Variants in GALNT18 observed in about 807,000 individuals in gnomAD.
GALNT18 encodes the protein polypeptide N-acetylgalactosaminyltransferase 18, also known as GalNAc-transferase 18.
Under a neutral mutation model 69.5 loss-of-function variants are expected in GALNT18, and 44 were observed. The ratio of observed to expected loss-of-function variants is 0.63; its 90% confidence interval spans 0.50 to 0.81. The LOEUF (loss-of-function observed/expected upper bound fraction) is 0.81, where lower values mean the gene tolerates loss of function less well. GALNT18 is among the 40% of genes least tolerant of loss of function. GALNT18 has a pLI of 0.00. For synonymous variants in GALNT18, 364 were observed against 318.2 expected (o/e 1.14, Z -1.53); for missense variants, 715 against 810.0 (o/e 0.88, Z 1.42).
At chr11:11,378,760 G>C (rs989184900) in intron 4 of GALNT18, among the ~76,000 whole-genome samples, 4 of 152,112 alleles carry the variant, frequency 2.6e-5, no homozygotes, top group Non-Finnish European at 5.9e-5. Flanking sequence ...TGTCCTTAGC[G>C]GGACACTCTC....
chr11:11,395,671 G>T (rs973221322), intron 3 of GALNT18, among the ~76,000 whole-genome samples: 1 of 152,206 alleles, frequency 6.6e-6, no homozygotes, highest in African/African-American at 2.4e-5. Flanking sequence ...GTATCTCCCT[G>T]CAGAGCGGAG....
In GALNT18 at chr11:11,621,598, G is replaced by A; in HGVS notation, c.-5C>T. On this transcript the variant is annotated 5_prime_UTR_variant, in exon 1 of 11. Coordinates refer to ENST00000227756, the MANE Select transcript of GALNT18 (RefSeq NM_198516.3). This position sits in a 1 kb window ranked among gnomAD's most constrained non-coding sequence, Gnocchi z 9.3. ...GGTCTTCCTGGTGCACACCATTCTGGGCTCCTTCCTCCATATAGAGCTCCC... is the reference window on the plus strand; with the variant it reads ...GGTCTTCCTGGTGCACACCATTCTGAGCTCCTTCCTCCATATAGAGCTCCC... 6.3e-7 allele frequency: 1 copy of A among 1,579,466 alleles called. No homozygotes were observed. The highest frequency in any genetic ancestry group is 8.6e-7 in the Non-Finnish European group (1 of 1,161,164).
intron 10 of GALNT18, among the ~76,000 whole-genome samples, chr11:11,273,208 A>G (rs1195494401): frequency 8.6e-6 from 1 of 116,668 alleles, no homozygotes; most frequent in African/African-American, 2.6e-5. Flanking sequence ...AAATAGGATC[A>G]CATCAAGTTA....
intron 1 of GALNT18, among the ~76,000 whole-genome samples, chr11:11,594,979 ATATG>A (rs1006631274): frequency 1.5e-4 from 18 of 118,724 alleles, no homozygotes; most frequent in African/African-American, 5.0e-4. Context: ...CAAAATATAC[ATATG>A]TGTGTGTGTG....
chr11:11,607,615 T>C (rs1859786753), intron 1 of GALNT18, among the ~76,000 whole-genome samples: 1 of 152,226 alleles, frequency 6.6e-6, no homozygotes. Context: ...TTAAATTGAA[T>C]CTTCCTGACA....
At chr11:11,536,519 G>C (rs1857776544) in intron 1 of GALNT18, among the ~76,000 whole-genome samples, 1 of 152,142 alleles carries the variant, frequency 6.6e-6, no homozygotes, top group Non-Finnish European at 1.5e-5. Flanking sequence ...ACTAGGATCT[G>C]ATCAGATGCT....
Position 11,270,938 on chromosome 11 carries a change from T to G in GALNT18, c.*206A>C. 2.1e-6 allele frequency: 1 copy of G among 467,840 alleles called. No individual in the cohort carries two copies. The highest frequency in any genetic ancestry group is 3.8e-6 in the Non-Finnish European group (1 of 262,116). The allele number at this position is 467,840 out of a possible 1,614,324, so 29.0% of individuals were successfully genotyped here. On this transcript the variant is annotated 3_prime_UTR_variant, in exon 11 of 11. Transcript: ENST00000227756. Reference sequence around the variant, plus strand: ...TTTCCATCTGTCCCCTATTTACAACTGCAAAATAGTTTGATATCATACCAT... The same window carrying G: ...TTTCCATCTGTCCCCTATTTACAACGGCAAAATAGTTTGATATCATACCAT...
Position 11,538,071 on chromosome 11 carries a change from T to C in GALNT18, c.235+83288A>G, listed in dbSNP as rs1857825179. On this transcript the variant is annotated intron_variant, in intron 1 of 10. Transcript: ENST00000227756. This position sits in a 1 kb window ranked among gnomAD's most constrained non-coding sequence, Gnocchi z 5.2. ...CTGAGTGTTTTACTAATCTTATTTA[T>C]GTTAACTCTTATCACACCTCTGTGC... is the stretch of plus-strand genomic sequence containing the variant. Among the ~76,000 whole-genome samples the C allele has an allele frequency of 6.6e-6, 1 of 152,236 alleles. No individual in the cohort carries two copies. Among genetic ancestry groups the C allele is most frequent in the Non-Finnish European group, 1.5e-5 (1 of 68,034 alleles).
At chr11:11,560,015 TA>T (rs1270849877) in intron 1 of GALNT18, among the ~76,000 whole-genome samples, 19 of 151,212 alleles carry the variant, frequency 1.3e-4, no homozygotes, top group Middle Eastern at 3.5e-3. Context: ...TAGAATGGGA[TA>T]TGATGGAATG....
intron 1 of GALNT18, among the ~76,000 whole-genome samples, chr11:11,532,096 C>T (rs12361327): frequency 0.3 from 45,775 of 152,000 alleles, 7,988 homozygotes; most frequent in Non-Finnish European, 0.4. Flanking sequence ...CCATTTTCTC[C>T]CATTCTGACA....
intron 10 of GALNT18, among the ~76,000 whole-genome samples, chr11:11,280,569 G>GTGA (rs1849051706): frequency 6.6e-6 from 1 of 152,172 alleles, no homozygotes; most frequent in Non-Finnish European, 1.5e-5. Flanking sequence ...GGCAGGAGAG[G>GTGA]TGAGGCCTGC....
At chr11:11,441,960 T>C (rs1707200417) in intron 2 of GALNT18, among the ~76,000 whole-genome samples, 1 of 152,220 alleles carries the variant, frequency 6.6e-6, no homozygotes, top group African/African-American at 2.4e-5. Flanking sequence ...TGTCTTGTTT[T>C]CCTAATACTA....
At position 11,383,171 on chromosome 11, in the gene GALNT18, C is replaced by T. The variant is rs80081236; in HGVS notation, c.596-3907G>A. Among the ~76,000 whole-genome samples, 31 of 152,118 alleles carry T rather than the reference C, an allele frequency of 2.0e-4. No homozygotes were observed. Among genetic ancestry groups the T allele is most frequent in the African/African-American group, 5.1e-4 (21 of 41,430 alleles). ...ACATCCCCACGGGGAGCCTCCTCTC[C>T]GGGCCTGCTCAGGGCAGGCTGCTTG... is the stretch of plus-strand genomic sequence containing the variant. On this transcript the variant is annotated intron_variant, in intron 3 of 10. Transcript: ENST00000227756. The surrounding 1 kb of genome is among the most constrained non-coding windows in gnomAD (Gnocchi z 5.2).
intron 6 of GALNT18, among the ~76,000 whole-genome samples, chr11:11,367,442 T>C (rs1197561155): frequency 6.6e-6 from 1 of 152,158 alleles, no homozygotes; most frequent in African/African-American, 2.4e-5. Context: ...TATGTTCAAG[T>C]GGGTGTCTTT....
intron 1 of GALNT18, among the ~76,000 whole-genome samples, chr11:11,612,640 C>T (rs1859937628): frequency 6.6e-6 from 1 of 152,192 alleles, no homozygotes. Flanking sequence ...GATGGATGCA[C>T]AAGTCAGACT....
At position 11,618,069 on chromosome 11, in the gene GALNT18, A is replaced by G. The variant is rs1226891627; in HGVS notation, c.235+3290T>C. Among the ~76,000 whole-genome samples, 1 of 152,242 alleles carries G rather than the reference A, an allele frequency of 6.6e-6. No individual in the cohort carries two copies. The highest frequency in any genetic ancestry group is 2.4e-5 in the African/African-American group (1 of 41,454). On this transcript the variant is annotated intron_variant, in intron 1 of 10. Coordinates refer to ENST00000227756, the MANE Select transcript of GALNT18 (RefSeq NM_198516.3). This position sits in a 1 kb window ranked among gnomAD's most constrained non-coding sequence, Gnocchi z 6.1. ...TTCAATCAGAAAACAAATTAAAATGAAATATCACTGCAACTCCCAAGACGA... is the reference window on the plus strand; with the variant it reads ...TTCAATCAGAAAACAAATTAAAATGGAATATCACTGCAACTCCCAAGACGA...
chr11:11,295,512 A>C (rs7109994), intron 9 of GALNT18, among the ~76,000 whole-genome samples: 127,253 of 152,078 alleles, frequency 0.84, 55,696 homozygotes, highest in Non-Finnish European at 0.97. Context: ...GATGCTGAAT[A>C]AACACCCCAA....
Position 11,582,509 on chromosome 11 carries a change from GAGA to G in GALNT18, c.235+38847_235+38849del, listed in dbSNP as rs1859110664. On this transcript the variant is annotated intron_variant, in intron 1 of 10. Transcript: ENST00000227756. This position sits in a 1 kb window ranked among gnomAD's most constrained non-coding sequence, Gnocchi z 5.0. ...AGAAGTGATAAACATGCACCAATTT[GAGA>G]AGAAGCTTTAAGAGCCATTATGACT... Among the ~76,000 whole-genome samples the G allele has an allele frequency of 6.6e-6, 1 of 152,236 alleles. No homozygotes were observed. Among genetic ancestry groups the G allele is most frequent in the Non-Finnish European group, 1.5e-5 (1 of 68,046 alleles).
intron 1 of GALNT18, among the ~76,000 whole-genome samples, chr11:11,552,272 T>C (rs991838904): frequency 2.0e-5 from 3 of 152,036 alleles, no homozygotes; most frequent in African/African-American, 7.3e-5. Flanking sequence ...ATGGCCAAAA[T>C]CTGGAAAGGA....
Sources: gnomAD v4.1 joint callset for allele counts (sites outside exome capture counted in the v4.1 genomes callset) on GRCh38, gnomAD v4.1.1 for gene constraint, Gnocchi (gnomAD v3.1) non-coding constraint, MANE v1.5 for transcripts, NCBI Gene and HGNC (gene_info 2026-07-23, HGNC 2026-07-21) for gene names.